Variants in EBF1 observed in about 807,000 individuals in gnomAD.
EBF1 encodes the protein transcription factor COE1.
Under a neutral mutation model 68.4 loss-of-function variants are expected in EBF1, and 10 were observed. The ratio of observed to expected loss-of-function variants is 0.15; its 90% CI spans 0.09 to 0.25. EBF1 has a LOEUF of 0.25. Ranked by LOEUF, EBF1 falls within the 10% of genes least tolerant of loss-of-function variation. EBF1 has a pLI of 1.00. For missense variants in EBF1, 509 were observed against 794.4 expected (o/e 0.64, Z 4.32); for synonymous variants, 298 against 299.8 (o/e 0.99, Z 0.06).
At chr5:159,024,337 G>T (rs982988228) in intron 6 of EBF1, among the ~76,000 whole-genome samples, 1 of 152,182 alleles carries the variant, frequency 6.6e-6, no homozygotes, top group Admixed American at 6.5e-5. Flanking sequence ...ATAGGCTGAT[G>T]CTTAGTCAAC....
chr5:158,789,643 A>G (rs1778187554), intron 9 of EBF1, among the ~76,000 whole-genome samples: 1 of 152,170 alleles, frequency 6.6e-6, no homozygotes, highest in South Asian at 2.1e-4. Context: ...AGGACAAGCC[A>G]CCCTACCACT....
chr5:159,021,850 A>G (rs76463667), intron 6 of EBF1, among the ~76,000 whole-genome samples: 3,035 of 152,244 alleles, frequency 0.02, 59 homozygotes, highest in Non-Finnish European at 0.028. Context: ...ATTTAATACC[A>G]TTAGTCTCAG....
chr5:158,864,914 C>T (rs1219534153), intron 6 of EBF1, among the ~76,000 whole-genome samples: 1 of 152,172 alleles, frequency 6.6e-6, no homozygotes, highest in African/African-American at 2.4e-5. Flanking sequence ...CAGCCCGTCA[C>T]TGGGAGATGG....
intron 6 of EBF1, among the ~76,000 whole-genome samples, chr5:158,853,658 C>T (rs1005883638): frequency 8.6e-5 from 13 of 151,938 alleles, no homozygotes; most frequent in East Asian, 3.9e-4. Flanking sequence ...TGGCAGGAGA[C>T]GAGACAGTCT....
chr5:158,744,776 A>T (rs761455504), intron 10 of EBF1, among the ~76,000 whole-genome samples: 1 of 152,224 alleles, frequency 6.6e-6, no homozygotes. Flanking sequence ...CAGATGCCTC[A>T]AGGCAAAAGC....
intron 6 of EBF1, among the ~76,000 whole-genome samples, chr5:158,989,205 T>C (rs1759771741): frequency 6.6e-6 from 1 of 152,160 alleles, no homozygotes; most frequent in South Asian, 2.1e-4. Flanking sequence ...TCTGTACCTC[T>C]CTTGTTCCAG....
intron 8 of EBF1, among the ~76,000 whole-genome samples, chr5:158,802,627 G>T (rs942448981): frequency 6.6e-6 from 1 of 152,088 alleles, no homozygotes; most frequent in African/African-American, 2.4e-5. Context: ...ATGTTAAGTT[G>T]ATTTTAACAT....
intron 5 of EBF1, among the ~76,000 whole-genome samples, chr5:159,081,860 C>T (rs756275008): frequency 1.5e-4 from 23 of 152,126 alleles, no homozygotes; most frequent in Non-Finnish European, 2.5e-4. Context: ...ATTTTAAGAG[C>T]GTAGCCAACA....
chr5:158,875,178 T>C (rs1457632319), intron 6 of EBF1, among the ~76,000 whole-genome samples: 1 of 152,140 alleles, frequency 6.6e-6, no homozygotes, highest in Non-Finnish European at 1.5e-5. Flanking sequence ...TGATGATAGT[T>C]ACATATTTTT....
chr5:158,792,088 T>C (rs6892875), intron 9 of EBF1, among the ~76,000 whole-genome samples: 1,914 of 152,288 alleles, frequency 0.013, 44 homozygotes, highest in African/African-American at 0.044. Context: ...AGAAAAATAA[T>C]CTCACCCCAC....
intron 6 of EBF1, among the ~76,000 whole-genome samples, chr5:159,003,867 G>T (rs869593): frequency 0.2 from 29,673 of 152,162 alleles, 3,685 homozygotes; most frequent in South Asian, 0.41. Context: ...ATGAGTAAGT[G>T]GTGTAGTCAG....
chr5:158,745,704 T>A (rs1209108714), intron 10 of EBF1, among the ~76,000 whole-genome samples: 1 of 152,190 alleles, frequency 6.6e-6, no homozygotes, highest in Non-Finnish European at 1.5e-5. Context: ...GGATATAATT[T>A]GTTGTCTAAA....
intron 6 of EBF1, among the ~76,000 whole-genome samples, chr5:158,947,951 G>A (rs1815146089): frequency 6.6e-6 from 1 of 152,072 alleles, no homozygotes; most frequent in African/African-American, 2.4e-5. Flanking sequence ...AGTTCTCTTG[G>A]TATTTACCTC....
chr5:158,883,343 T>A (rs1799283753), intron 6 of EBF1, among the ~76,000 whole-genome samples: 1 of 98,696 alleles, frequency 1.0e-5, no homozygotes, highest in Middle Eastern at 5.0e-3. Context: ...CACACATACA[T>A]GCATGTATAT....
At chr5:158,987,791 G>A (rs1469556037) in intron 6 of EBF1, among the ~76,000 whole-genome samples, 1 of 152,124 alleles carries the variant, frequency 6.6e-6, no homozygotes, top group Non-Finnish European at 1.5e-5. Flanking sequence ...GTAATATACT[G>A]CAAATTATGT....
rs748273958 is a variant in EBF1 at position 158,714,141 on chromosome 5, C to T, written c.1167G>A (p.Leu389=). The change falls in exon 12 of 16, where the codon CTG becomes CTA. Residue 389 remains leucine, a synonymous_variant. Coordinates refer to ENST00000313708, the MANE Select transcript of EBF1 (RefSeq NM_024007.5). ...CCTGGTTGTTGTGTGGCATCCCATA[C>T]AGTGCTTCTACCAGATCCGCAGCCC... is the stretch of plus-strand genomic sequence containing the variant. ...LKRAADLVEA[L]YGMPHNNQEI... is the part of the protein sequence containing the mutation. 1 of 1,614,244 alleles carries T rather than the reference C, an allele frequency of 6.2e-7. No individual in the cohort carries two copies. The highest frequency in any genetic ancestry group is 8.5e-7 in the Non-Finnish European group (1 of 1,180,040).
At chr5:158,806,593 T>C (rs962299106) in intron 8 of EBF1, among the ~76,000 whole-genome samples, 5 of 152,160 alleles carry the variant, frequency 3.3e-5, no homozygotes, top group Admixed American at 3.3e-4. Flanking sequence ...AGTAGTACCC[T>C]TAACTGAACA....
intron 10 of EBF1, among the ~76,000 whole-genome samples, chr5:158,753,036 C>A (rs1169146804): frequency 6.6e-6 from 1 of 151,922 alleles, no homozygotes; most frequent in African/African-American, 2.4e-5. Flanking sequence ...TCGCTCAACA[C>A]CGCAAAAATA....
chr5:159,089,074 T>A (rs1229820445), intron 4 of EBF1, among the ~76,000 whole-genome samples: 2 of 152,136 alleles, frequency 1.3e-5, no homozygotes, highest in African/African-American at 4.8e-5. Flanking sequence ...TTGGAACAGA[T>A]TTATTTTTGT....
Sources: gnomAD v4.1 joint callset for allele counts (sites outside exome capture counted in the v4.1 genomes callset) on GRCh38, gnomAD v4.1.1 for gene constraint, MANE v1.5 for transcripts, NCBI Gene and HGNC (gene_info 2026-07-23, HGNC 2026-07-21) for gene names.